SNX9: variants seen among roughly 807,000 people sequenced by gnomAD.
SNX9 encodes sorting nexin 9.
A neutral mutation model predicts 89.4 loss-of-function variants in SNX9; 44 were observed. That is an observed-to-expected ratio of 0.49 (90% CI 0.39 to 0.63). SNX9 has a LOEUF of 0.63. SNX9 is among the 30% of genes least tolerant of loss of function. The pLI is 0.00. For synonymous variants in SNX9, 236 were observed against 247.8 expected (o/e 0.95, Z 0.45); for missense variants, 578 against 736.1 (o/e 0.79, Z 2.49).
intron 1 of SNX9, among the ~76,000 whole-genome samples, chr6:157,831,163 G>T (rs1781471504): frequency 6.6e-6 from 1 of 152,166 alleles, no homozygotes; most frequent in South Asian, 2.1e-4. Flanking sequence ...TCAGCCATCC[G>T]TTTCTGCACA....
chr6:157,885,613 G>C (rs889550972), intron 4 of SNX9, among the ~76,000 whole-genome samples: 1 of 152,182 alleles, frequency 6.6e-6, no homozygotes, highest in Non-Finnish European at 1.5e-5. Flanking sequence ...TGGTATAGTC[G>C]TAAGATGGGC....
chr6:157,831,315 G>T (rs561478093), intron 1 of SNX9, among the ~76,000 whole-genome samples: 3 of 152,178 alleles, frequency 2.0e-5, no homozygotes, highest in Non-Finnish European at 4.4e-5. Context: ...GAGGATTTGT[G>T]TGTGCTGATA....
chr6:157,864,620 T>C (rs896978511), intron 1 of SNX9, among the ~76,000 whole-genome samples: 3 of 152,184 alleles, frequency 2.0e-5, no homozygotes, highest in African/African-American at 2.4e-5. Flanking sequence ...TGAGTGTGGC[T>C]TTGCTTCTCC....
intron 1 of SNX9, among the ~76,000 whole-genome samples, chr6:157,863,612 A>G (rs1023993193): frequency 6.6e-6 from 1 of 152,218 alleles, no homozygotes; most frequent in African/African-American, 2.4e-5. Context: ...AAAATGCAGT[A>G]TAGGAAAATG....
At chr6:157,851,129 A>G (rs566076824) in intron 1 of SNX9, among the ~76,000 whole-genome samples, 3 of 151,986 alleles carry the variant, frequency 2.0e-5, no homozygotes, top group Admixed American at 6.6e-5. Context: ...ATGGTGGCAC[A>G]TGCCTGTAAT....
intron 9 of SNX9, among the ~76,000 whole-genome samples, chr6:157,914,550 C>T (rs1365968986): frequency 7.2e-6 from 1 of 137,996 alleles, no homozygotes; most frequent in Non-Finnish European, 1.5e-5. Flanking sequence ...CATCTCAGCT[C>T]ACTACAACCT....
At chr6:157,885,312 G>A (rs1782711163) in intron 4 of SNX9, 1 of 152,134 alleles carries the variant, frequency 6.6e-6, no homozygotes, top group South Asian at 2.1e-4. Context: ...GAATGTACAA[G>A]TTTTATGTTC....
At chr6:157,870,494 C>T (rs1465759702) in intron 2 of SNX9, among the ~76,000 whole-genome samples, 4 of 150,154 alleles carry the variant, frequency 2.7e-5, no homozygotes, top group African/African-American at 9.8e-5. Context: ...ATAGTCTCAC[C>T]TGCTCTCACA....
chr6:157,836,553 C>T (rs2115109550), intron 1 of SNX9, among the ~76,000 whole-genome samples: 1 of 151,882 alleles, frequency 6.6e-6, no homozygotes, highest in South Asian at 2.1e-4. Context: ...GTTTCTGATT[C>T]AGGAGGTCTG....
chr6:157,913,025 C>A (rs1451517784), intron 9 of SNX9, among the ~76,000 whole-genome samples: 1 of 152,170 alleles, frequency 6.6e-6, no homozygotes, highest in Admixed American at 6.5e-5. Context: ...CACTAAATTT[C>A]AACCAATGAT....
chr6:157,901,178 G>A (rs1051196298), intron 5 of SNX9, among the ~76,000 whole-genome samples: 2 of 152,122 alleles, frequency 1.3e-5, no homozygotes, highest in African/African-American at 4.8e-5. Context: ...GTCCCACCTG[G>A]CACTGTCTTT....
intron 1 of SNX9, among the ~76,000 whole-genome samples, chr6:157,862,356 A>G (rs1014258730): frequency 3.3e-5 from 5 of 152,084 alleles, no homozygotes; most frequent in African/African-American, 1.2e-4. Context: ...TTTGTAAGTC[A>G]TGAATGTGCT....
At chr6:157,883,411 A>G (rs144242213) in intron 4 of SNX9, among the ~76,000 whole-genome samples, 30 of 152,218 alleles carry the variant, frequency 2.0e-4, no homozygotes, top group African/African-American at 2.6e-4. Context: ...AGTCTCCTCT[A>G]TTGCCTTCTG....
intron 1 of SNX9, among the ~76,000 whole-genome samples, chr6:157,857,942 G>A (rs1782044257): frequency 1.3e-5 from 2 of 152,154 alleles, no homozygotes; most frequent in African/African-American, 4.8e-5. Context: ...GACTGACAAT[G>A]CGTGGTTCTT....
intron 1 of SNX9, among the ~76,000 whole-genome samples, chr6:157,832,758 C>T (rs2115105861): frequency 6.6e-6 from 1 of 152,204 alleles, no homozygotes; most frequent in Non-Finnish European, 1.5e-5. Context: ...GGTAACTGCC[C>T]CCATGATTCA....
At position 157,909,965 on chromosome 6, in the gene SNX9, C is replaced by T; in HGVS notation, c.889C>T (p.Leu297Phe). 1 of 1,614,156 alleles carries T rather than the reference C, an allele frequency of 6.2e-7. No individual in the cohort carries two copies. The highest frequency in any genetic ancestry group is 1.3e-5 in the African/African-American group (1 of 75,044). ...GCACTTTGACTGGTTATATGAGCGTCTCCTGGTTAAGTTTGGGTCAGCCAT... is the reference window on the plus strand; with the variant it reads ...GCACTTTGACTGGTTATATGAGCGTTTCCTGGTTAAGTTTGGGTCAGCCAT... ...YKHFDWLYER[L>F]LVKFGSAIPI... The change falls in exon 9 of 18, where the codon CTC becomes TTC. Residue 297 changes from leucine (L) to phenylalanine (F), a missense_variant. By Grantham distance (22) the Leu-to-Phe change is conservative. Around this residue, in one of 2 missense-constraint regions of SNX9, gnomAD observed 348 missense variants for 491.4 expected, o/e 0.71. Coordinates refer to ENST00000392185, the MANE Select transcript of SNX9 (RefSeq NM_016224.5).
chr6:157,895,613 A>G (rs1782961788), intron 4 of SNX9, among the ~76,000 whole-genome samples: 1 of 152,156 alleles, frequency 6.6e-6, no homozygotes, highest in African/African-American at 2.4e-5. Flanking sequence ...AGAATGTTTT[A>G]TGCTGTTAAG....
intron 1 of SNX9, among the ~76,000 whole-genome samples, chr6:157,838,930 GC>G (rs1781639907): frequency 6.6e-6 from 1 of 152,188 alleles, no homozygotes; most frequent in Non-Finnish European, 1.5e-5. Flanking sequence ...CGAGGACATA[GC>G]GTCTTGGAAT....
In SNX9 at chr6:157,859,713, A is replaced by G. The variant is rs138855895; in HGVS notation, c.13-7834A>G. Among the ~76,000 whole-genome samples, 364 of 152,290 alleles carry G rather than the reference A, an allele frequency of 2.4e-3. 1 individual carries two copies. Among genetic ancestry groups the G allele is most frequent in the African/African-American group, 8.3e-3 (346 of 41,546 alleles). On this transcript the variant is annotated intron_variant, in intron 1 of 17. Coordinates refer to ENST00000392185, the MANE Select transcript of SNX9 (RefSeq NM_016224.5). ...AGTGTGTGAGATTGAGCGTTTTGTC[A>G]TGCATTTAAGGGCCATTGTATTCTT...
Sources: gnomAD v4.1 joint callset for allele counts (sites outside exome capture counted in the v4.1 genomes callset) on GRCh38, gnomAD v4.1.1 for gene constraint, gnomAD v4.1.1 regional missense constraint, MANE v1.5 for transcripts, NCBI Gene and HGNC (gene_info 2026-07-23, HGNC 2026-07-21) for gene names.